The following RPS6KA5 variants were observed in gnomAD, a reference collection of about 807,000 sequenced individuals.
RPS6KA5 encodes the protein ribosomal protein S6 kinase alpha-5.
A neutral mutation model predicts 85.5 loss-of-function variants in RPS6KA5; 27 were observed. That is an observed-to-expected ratio of 0.32 (90% CI 0.23 to 0.44). RPS6KA5 has a LOEUF of 0.44. Ranked by LOEUF, RPS6KA5 falls within the 20% of genes least tolerant of loss-of-function variation. The probability of loss-of-function intolerance (pLI) is 1.00; values close to 1 mark genes in which losing one functional copy is unlikely to be tolerated. For missense variants in RPS6KA5, 811 were observed against 980.9 expected (o/e 0.83, Z 2.31); for synonymous variants, 334 against 348.2 (o/e 0.96, Z 0.46).
chr14:91,026,382 C>T (rs1345599573), intron 1 of RPS6KA5, among the ~76,000 whole-genome samples: 2 of 152,084 alleles, frequency 1.3e-5, no homozygotes, highest in Non-Finnish European at 2.9e-5. Flanking sequence ...GGCTGTATAC[C>T]ACCATACCTA....
intron 1 of RPS6KA5, among the ~76,000 whole-genome samples, chr14:91,048,533 C>T (rs2042955271): frequency 6.6e-6 from 1 of 152,128 alleles, no homozygotes; most frequent in Admixed American, 6.5e-5. Flanking sequence ...GTGAGACAGC[C>T]AGCTCACTCA....
chr14:91,011,005 C>G (rs1226544668), intron 1 of RPS6KA5, among the ~76,000 whole-genome samples: 1 of 152,090 alleles, frequency 6.6e-6, no homozygotes, highest in Admixed American at 6.6e-5. Flanking sequence ...TACCCTGGAG[C>G]AACAATAGAA....
chr14:90,902,718 T>C, intron 9 of RPS6KA5, 90 bp downstream of exon 9: 2 of 1,203,712 alleles, frequency 1.7e-6, no homozygotes, highest in Non-Finnish European at 2.3e-6. Flanking sequence ...ATTTTTATGA[T>C]GCCAACAAAA....
chr14:90,898,671 C>G (rs1054862808), intron 12 of RPS6KA5, among the ~76,000 whole-genome samples: 1 of 152,138 alleles, frequency 6.6e-6, no homozygotes, highest in Non-Finnish European at 1.5e-5. Context: ...CATCACCCCA[C>G]CTGGTCTCAG....
intron 1 of RPS6KA5, among the ~76,000 whole-genome samples, chr14:91,057,901 A>G (rs2043389440): frequency 1.3e-5 from 2 of 152,236 alleles, no homozygotes; most frequent in Admixed American, 6.5e-5. Context: ...TCTACATATT[A>G]AGCTGCAGAG....
chr14:91,052,482 A>C (rs907330326), intron 1 of RPS6KA5: 11 of 244,000 alleles, frequency 4.5e-5, no homozygotes, highest in Non-Finnish European at 7.3e-5. Flanking sequence ...AAAAAAAAAA[A>C]AACAGATTTA....
chr14:90,983,829 C>T (rs144804036), intron 2 of RPS6KA5, among the ~76,000 whole-genome samples: 1,707 of 140,564 alleles, frequency 0.012, 22 homozygotes, highest in Non-Finnish European at 0.015. Context: ...CTCTCTCTCT[C>T]TCTCTCTCTC....
chr14:90,971,274 G>A (rs938421381), intron 3 of RPS6KA5, among the ~76,000 whole-genome samples: 7 of 152,008 alleles, frequency 4.6e-5, no homozygotes, highest in African/African-American at 1.7e-4. Context: ...CCGAGATCAC[G>A]CCACTGCACT....
At chr14:91,056,694 G>A (rs1046979217) in intron 1 of RPS6KA5, among the ~76,000 whole-genome samples, 2 of 151,960 alleles carry the variant, frequency 1.3e-5, no homozygotes, top group Admixed American at 6.6e-5. Context: ...TATGTAAGAG[G>A]AAATAAAATA....
intron 2 of RPS6KA5, among the ~76,000 whole-genome samples, chr14:90,982,354 T>C (rs992820807): frequency 1.3e-5 from 2 of 151,926 alleles, no homozygotes; most frequent in African/African-American, 4.8e-5. Flanking sequence ...GCCAATACTT[T>C]GGGGGTCTGA....
intron 1 of RPS6KA5, among the ~76,000 whole-genome samples, chr14:91,006,828 C>T (rs903061313): frequency 6.6e-6 from 1 of 152,146 alleles, no homozygotes; most frequent in Non-Finnish European, 1.5e-5. Context: ...CTCAGCCTCC[C>T]AAAGTGCTGG....
Position 90,865,325 on chromosome 14 carries a change from A to G in RPS6KA5, c.*6749T>C, listed in dbSNP as rs2032754326. 6.6e-6 allele frequency: 1 copy of G among 152,270 alleles called. No homozygotes were observed. Among genetic ancestry groups the G allele is most frequent in the South Asian group, 2.1e-4 (1 of 4,830 alleles). The allele number at this position is 152,270 out of a possible 1,614,324, so 9.4% of individuals were successfully genotyped here. The stretch of plus-strand genomic sequence containing the variant: ...TCTGATGGAATACTACAGAGCAACG[A>G]AAAAGAACAAACTACTGTTATTGCT... On this transcript the variant is annotated 3_prime_UTR_variant, in exon 17 of 17. Transcript: ENST00000614987.
chr14:90,929,215 C>T (rs1202755217), intron 5 of RPS6KA5, among the ~76,000 whole-genome samples: 2 of 151,918 alleles, frequency 1.3e-5, no homozygotes, highest in Non-Finnish European at 2.9e-5. Context: ...AATACATATA[C>T]ACATAAAACT....
intron 2 of RPS6KA5, among the ~76,000 whole-genome samples, chr14:90,979,260 A>G (rs1337794959): frequency 6.6e-6 from 1 of 152,188 alleles, no homozygotes. Flanking sequence ...CTCTGCATTT[A>G]TTTTCTTAGA....
intron 1 of RPS6KA5, among the ~76,000 whole-genome samples, chr14:91,026,647 C>A (rs2042001952): frequency 6.6e-6 from 1 of 152,186 alleles, no homozygotes; most frequent in African/African-American, 2.4e-5. Flanking sequence ...TTGTGATATT[C>A]ATTTAGGCAC....
At chr14:91,016,773 T>C (rs1438981147) in intron 1 of RPS6KA5, among the ~76,000 whole-genome samples, 1 of 151,420 alleles carries the variant, frequency 6.6e-6, no homozygotes, top group African/African-American at 2.4e-5. Flanking sequence ...AATAGTTTGG[T>C]TGGATGGTCA....
In RPS6KA5 at chr14:90,862,984, T is replaced by C. The variant is rs1191750704; in HGVS notation, c.*9090A>G. 6.6e-6 allele frequency: 1 copy of C among 152,166 alleles called. No individual in the cohort carries two copies. Among genetic ancestry groups the C allele is most frequent in the Non-Finnish European group, 1.5e-5 (1 of 68,034 alleles). The allele number at this position is 152,166 out of a possible 1,614,324, so 9.4% of individuals were successfully genotyped here. On this transcript the variant is annotated 3_prime_UTR_variant, in exon 17 of 17. Coordinates refer to ENST00000614987, the MANE Select transcript of RPS6KA5 (RefSeq NM_004755.4). ...AAATTAGAAATAAAACAATCTGCTA[T>C]ATGATATCTATAAAAAAATTAAATA...
intron 3 of RPS6KA5, 137 bp from the exon 4 acceptor site, chr14:90,947,687 T>C (rs1389787985): frequency 1.8e-5 from 10 of 549,810 alleles, no homozygotes; most frequent in Non-Finnish European, 3.2e-5. Context: ...TACAGTATCA[T>C]GTAGATAGAG....
In RPS6KA5 at chr14:91,060,464, G is replaced by C; in HGVS notation, c.-30C>G. ...TCCTTTTTTTCCGATCCCGCGGGTCGCTACGAGGGGAACCCAGGAGACAGC... is the reference window on the plus strand; with the variant it reads ...TCCTTTTTTTCCGATCCCGCGGGTCCCTACGAGGGGAACCCAGGAGACAGC... On this transcript the variant is annotated 5_prime_UTR_variant, in exon 1 of 17. Coordinates refer to ENST00000614987, the MANE Select transcript of RPS6KA5 (RefSeq NM_004755.4). 1 of 1,399,118 alleles carries C rather than the reference G, an allele frequency of 7.1e-7. No homozygotes were observed. The highest frequency in any genetic ancestry group is 9.4e-7 in the Non-Finnish European group (1 of 1,061,800). 86.7% of individuals were successfully genotyped at this position (1,399,118 alleles called of 1,614,324 possible).
Sources: allele counts gnomAD v4.1 joint callset (sites outside exome capture counted in the v4.1 genomes callset), GRCh38; gene constraint gnomAD v4.1.1; transcripts MANE v1.5; gene names NCBI Gene and HGNC (gene_info 2026-07-23, HGNC 2026-07-21).